The following ADAM23 variants were observed in gnomAD, a reference collection of about 807,000 sequenced individuals.
ADAM23 encodes the protein ADAM metallopeptidase domain 23.
A neutral mutation model predicts 120.1 loss-of-function variants in ADAM23; 33 were observed. The ratio of observed to expected loss-of-function variants is 0.27; its 90% CI spans 0.21 to 0.37. ADAM23 has a LOEUF of 0.37. ADAM23 is among the 10% of genes least tolerant of loss of function. The pLI, the probability that ADAM23 is intolerant of heterozygous loss-of-function variation, is 1.00. For missense variants in ADAM23, 862 were observed against 1,058.2 expected (o/e 0.81, Z 2.57); for synonymous variants, 367 against 375.2 (o/e 0.98, Z 0.25).
At chr2:206,578,891 C>T (rs540011306) in intron 18 of ADAM23, among the ~76,000 whole-genome samples, 5 of 152,122 alleles carry the variant, frequency 3.3e-5, no homozygotes, top group Admixed American at 6.5e-5. Context: ...ACTGCATCCA[C>T]GCCAGTGTCT....
At chr2:206,484,967 C>G (rs1695980606) in intron 3 of ADAM23, among the ~76,000 whole-genome samples, 1 of 152,160 alleles carries the variant, frequency 6.6e-6, no homozygotes, top group African/African-American at 2.4e-5. Flanking sequence ...CTTTGCTCCT[C>G]CTTCACCTTC....
chr2:206,593,793 G>A (rs946863327), intron 22 of ADAM23, among the ~76,000 whole-genome samples: 5 of 151,820 alleles, frequency 3.3e-5, no homozygotes, highest in African/African-American at 7.3e-5. Flanking sequence ...AGTGACTATA[G>A]CATTATCATT....
At chr2:206,531,386 A>G (rs1052161895) in intron 4 of ADAM23, among the ~76,000 whole-genome samples, 14 of 152,224 alleles carry the variant, frequency 9.2e-5, no homozygotes, top group African/African-American at 2.9e-4. Context: ...TCTAACCTTC[A>G]TAACAATTCT....
chr2:206,455,172 A>G (rs1695272365), intron 2 of ADAM23, among the ~76,000 whole-genome samples: 1 of 152,262 alleles, frequency 6.6e-6, no homozygotes, highest in East Asian at 1.9e-4. Context: ...AAATCTAGGC[A>G]GAAGTTCTCA....
intron 2 of ADAM23, among the ~76,000 whole-genome samples, chr2:206,446,288 C>A (rs1389468475): frequency 6.6e-6 from 1 of 152,098 alleles, no homozygotes; most frequent in Non-Finnish European, 1.5e-5. Flanking sequence ...TGTTACTATT[C>A]TTTACTTGAA....
Position 206,445,459 on chromosome 2 carries a change from C to G in ADAM23, c.367C>G (p.Gln123Glu), listed in dbSNP as rs754199089. The G allele has an allele frequency of 1.9e-6, 3 of 1,614,076 alleles. No individual in the cohort carries two copies. Among genetic ancestry groups the G allele is most frequent in the Admixed American group, 3.3e-5 (2 of 60,022 alleles). Residue 123 changes from glutamine (Q) to glutamate (E), a missense_variant, in exon 2 of 26, where the codon CAA becomes GAA. Gln to Glu is a conservative substitution (Grantham distance 29). Coordinates refer to ENST00000264377, the MANE Select transcript of ADAM23 (RefSeq NM_003812.4). ...TTCAAGACTCATATATTACATCAACCAAGACTCGGAAAGCCCTTATCACGT... is the reference window on the plus strand; with the variant it reads ...TTCAAGACTCATATATTACATCAACGAAGACTCGGAAAGCCCTTATCACGT... The part of the protein sequence containing the change: ...LPSRLIYYIN[Q>E]DSESPYHVLD...
chr2:206,477,600 T>G (rs1253963966), intron 2 of ADAM23, among the ~76,000 whole-genome samples: 2 of 152,124 alleles, frequency 1.3e-5, no homozygotes, highest in African/African-American at 4.8e-5. Context: ...TGACCTAATA[T>G]GTGGTTCATG....
intron 4 of ADAM23, among the ~76,000 whole-genome samples, chr2:206,539,321 C>T (rs6709181): frequency 0.27 from 41,783 of 151,972 alleles, 5,923 homozygotes; most frequent in South Asian, 0.32. Flanking sequence ...TATGGGTGCA[C>T]AGAGACTTGT....
intron 2 of ADAM23, among the ~76,000 whole-genome samples, chr2:206,455,978 C>T (rs1469418051): frequency 6.6e-6 from 1 of 152,190 alleles, no homozygotes; most frequent in African/African-American, 2.4e-5. Flanking sequence ...CCAACCTCCG[C>T]CTGTTACCCA....
chr2:206,471,938 A>AT (rs1268599219), intron 2 of ADAM23, among the ~76,000 whole-genome samples: 1 of 152,242 alleles, frequency 6.6e-6, no homozygotes, highest in East Asian at 1.9e-4. Flanking sequence ...TGCTTTACCC[A>AT]TTTTAAATAG....
chr2:206,540,504 T>TA, intron 4 of ADAM23, among the ~76,000 whole-genome samples: 1 of 152,002 alleles, frequency 6.6e-6, no homozygotes, highest in East Asian at 1.9e-4. Context: ...ATAACCCACC[T>TA]AAATAACAGT....
chr2:206,516,929 C>CA (rs1696745567), intron 3 of ADAM23, among the ~76,000 whole-genome samples: 1 of 152,096 alleles, frequency 6.6e-6, no homozygotes, highest in African/African-American at 2.4e-5. Context: ...CTTCTGACCT[C>CA]ATTTCCTCCT....
At chr2:206,607,552 T>A (rs1698751168) in intron 24 of ADAM23, among the ~76,000 whole-genome samples, 1 of 152,236 alleles carries the variant, frequency 6.6e-6, no homozygotes, top group East Asian at 1.9e-4. Flanking sequence ...GAGGCCTTTC[T>A]TGTAAAACAT....
At chr2:206,557,336 A>G (rs1697666237) in intron 9 of ADAM23, 91 bp from the exon 10 acceptor site, 2 of 1,007,606 alleles carry the variant, frequency 2.0e-6, no homozygotes, top group Admixed American at 3.5e-5. Flanking sequence ...CCATATTTCT[A>G]CTATTACTGA....
chr2:206,474,712 C>T (rs995123744), intron 2 of ADAM23, among the ~76,000 whole-genome samples: 1 of 151,992 alleles, frequency 6.6e-6, no homozygotes, highest in Non-Finnish European at 1.5e-5. Flanking sequence ...GTAGCTGGGA[C>T]TAGAGGCATG....
chr2:206,613,126 C>G (rs2105867108), intron 25 of ADAM23, among the ~76,000 whole-genome samples: 1 of 152,162 alleles, frequency 6.6e-6, no homozygotes, highest in East Asian at 1.9e-4. Context: ...GTGGCATGAT[C>G]TCAGTTCACC....
chr2:206,494,512 T>C (rs1350479307), intron 3 of ADAM23, among the ~76,000 whole-genome samples: 2 of 152,186 alleles, frequency 1.3e-5, no homozygotes, highest in African/African-American at 2.4e-5. Context: ...GGGAAAGCTA[T>C]ACAGAGGAGG....
At chr2:206,532,027 A>G (rs146202753) in intron 4 of ADAM23, among the ~76,000 whole-genome samples, 6 of 152,300 alleles carry the variant, frequency 3.9e-5, no homozygotes, top group African/African-American at 1.4e-4. Context: ...ACTTTCATGT[A>G]TCATTCTTAT....
At chr2:206,471,967 G>T (rs1695669120) in intron 2 of ADAM23, among the ~76,000 whole-genome samples, 1 of 152,208 alleles carries the variant, frequency 6.6e-6, no homozygotes, top group African/African-American at 2.4e-5. Context: ...CCAAAGGCTT[G>T]TAATTCAGTC....
Sources: gnomAD v4.1 joint callset for allele counts (sites outside exome capture counted in the v4.1 genomes callset) on GRCh38, gnomAD v4.1.1 for gene constraint, MANE v1.5 for transcripts, NCBI Gene and HGNC (gene_info 2026-07-23, HGNC 2026-07-21) for gene names.